ADGRL3: variants seen among roughly 807,000 people sequenced by gnomAD.
ADGRL3 encodes the protein adhesion G protein-coupled receptor L3, also known as calcium-independent alpha-latrotoxin receptor 3.
ADGRL3 carries 62 observed loss-of-function variants against 153.5 expected under a neutral mutation model. That is an observed-to-expected ratio of 0.40 (90% CI 0.33 to 0.50). The LOEUF is 0.50. Ranked by LOEUF, ADGRL3 falls within the 20% of genes least tolerant of loss-of-function variation. The probability of loss-of-function intolerance (pLI) is 0.47; values close to 1 mark genes in which losing one functional copy is unlikely to be tolerated. For missense variants in ADGRL3, 1,641 were observed against 1,859.4 expected (o/e 0.88, Z 2.16); for synonymous variants, 710 against 672.5 (o/e 1.06, Z -0.86).
intron 2 of ADGRL3, among the ~76,000 whole-genome samples, chr4:61,396,062 G>A (rs575564374): frequency 5.3e-5 from 8 of 152,014 alleles, no homozygotes; most frequent in South Asian, 2.1e-4. Flanking sequence ...TTCAAATTGC[G>A]TTTACTATAG....
At chr4:61,800,864 A>G (rs751607684) in intron 8 of ADGRL3, among the ~76,000 whole-genome samples, 1 of 152,180 alleles carries the variant, frequency 6.6e-6, no homozygotes, top group Non-Finnish European at 1.5e-5. Flanking sequence ...TTCTAGAATT[A>G]CAATTTAATT....
At chr4:61,509,999 T>C (rs556245911) in intron 3 of ADGRL3, among the ~76,000 whole-genome samples, 1 of 152,346 alleles carries the variant, frequency 6.6e-6, no homozygotes, top group East Asian at 1.9e-4. Flanking sequence ...GGTTTTGATT[T>C]GCATTTCTCT....
intron 21 of ADGRL3, among the ~76,000 whole-genome samples, chr4:62,007,509 C>T (rs2099166061): frequency 6.9e-6 from 1 of 145,428 alleles, no homozygotes; most frequent in African/African-American, 2.6e-5. Flanking sequence ...CTAACCTCCT[C>T]TGGTGATAGA....
intron 21 of ADGRL3, among the ~76,000 whole-genome samples, chr4:62,012,427 T>C (rs1161789082): frequency 6.6e-6 from 1 of 152,180 alleles, no homozygotes; most frequent in East Asian, 1.9e-4. Context: ...GTTCTTTACA[T>C]GTGGTAATTT....
chr4:61,227,025 A>G (rs1029107472), intron 1 of ADGRL3, among the ~76,000 whole-genome samples: 5 of 6,166 alleles, frequency 8.1e-4, no homozygotes, highest in African/African-American at 2.4e-3. Context: ...AGTAAGCTTT[A>G]TATCTAAATG....
chr4:61,934,715 TG>T, intron 13 of ADGRL3, 124 bp from the exon 14 acceptor site: 1 of 633,980 alleles, frequency 1.6e-6, no homozygotes, highest in Non-Finnish European at 2.8e-6. Context: ...CAGGGGAGGC[TG>T]GGACAATACT....
chr4:61,398,290 GA>G (rs947602875), intron 2 of ADGRL3, among the ~76,000 whole-genome samples: 5 of 149,984 alleles, frequency 3.3e-5, no homozygotes, highest in Non-Finnish European at 6.0e-5. Context: ...TGGGTGAATT[GA>G]AAAAAAAATC....
intron 4 of ADGRL3, among the ~76,000 whole-genome samples, chr4:61,547,973 A>G (rs1174889888): frequency 1.3e-5 from 2 of 151,760 alleles, no homozygotes; most frequent in Non-Finnish European, 2.9e-5. Flanking sequence ...GGTGGTTTTG[A>G]TTTGCATTTC....
chr4:61,506,010 C>G (rs878932283), intron 3 of ADGRL3, among the ~76,000 whole-genome samples: 2 of 151,994 alleles, frequency 1.3e-5, no homozygotes, highest in Admixed American at 1.3e-4. Flanking sequence ...TTTACAGTAT[C>G]ATCTAATCTA....
At chr4:61,760,460 G>A (rs1052836940) in intron 8 of ADGRL3, among the ~76,000 whole-genome samples, 2 of 152,214 alleles carry the variant, frequency 1.3e-5, no homozygotes, top group African/African-American at 2.4e-5. Context: ...TCTGAGCCAG[G>A]CACGGGATAT....
chr4:61,963,401 C>T (rs1024893370), intron 17 of ADGRL3, among the ~76,000 whole-genome samples: 1 of 151,836 alleles, frequency 6.6e-6, no homozygotes, highest in African/African-American at 2.4e-5. Context: ...GTTATTCAGT[C>T]CTCACCCCCT....
At chr4:61,887,816 G>C (rs2098548275) in intron 9 of ADGRL3, among the ~76,000 whole-genome samples, 1 of 152,046 alleles carries the variant, frequency 6.6e-6, no homozygotes, top group Admixed American at 6.6e-5. Flanking sequence ...CTGCACTCCA[G>C]CTTGGCAACA....
chr4:61,398,679 G>T (rs113172557), intron 2 of ADGRL3, among the ~76,000 whole-genome samples: 14 of 150,730 alleles, frequency 9.3e-5, no homozygotes, highest in Non-Finnish European at 1.8e-4. Flanking sequence ...GGAACCTCTG[G>T]TTTACAATGT....
intron 8 of ADGRL3, among the ~76,000 whole-genome samples, chr4:61,738,657 T>TAACA (rs151230096): frequency 0.012 from 1,762 of 152,310 alleles, 41 homozygotes; most frequent in African/African-American, 0.039. Flanking sequence ...TTACTTTTCC[T>TAACA]AACACTCATC....
intron 5 of ADGRL3, among the ~76,000 whole-genome samples, chr4:61,669,644 A>T (rs950648708): frequency 2.0e-5 from 3 of 152,152 alleles, no homozygotes; most frequent in Non-Finnish European, 4.4e-5. Flanking sequence ...ATCATCTGTT[A>T]GATGCTATGA....
At chr4:61,888,658 TAAATG>T (rs2098552926) in intron 9 of ADGRL3, among the ~76,000 whole-genome samples, 1 of 152,174 alleles carries the variant, frequency 6.6e-6, no homozygotes, top group Non-Finnish European at 1.5e-5. Flanking sequence ...TGCTTAAAGT[TAAATG>T]GAATGGTATG....
intron 5 of ADGRL3, among the ~76,000 whole-genome samples, chr4:61,622,009 C>A (rs1370139366): frequency 6.6e-6 from 1 of 152,102 alleles, no homozygotes; most frequent in Non-Finnish European, 1.5e-5. Context: ...CAAGAGCCTG[C>A]CTGCATGTCG....
At chr4:61,388,175 A>G (rs2096761453) in intron 2 of ADGRL3, among the ~76,000 whole-genome samples, 1 of 152,146 alleles carries the variant, frequency 6.6e-6, no homozygotes, top group South Asian at 2.1e-4. Flanking sequence ...TTTTGAAGAC[A>G]GAGTCAATAG....
chr4:61,250,499 C>T (rs1341237630), intron 1 of ADGRL3, among the ~76,000 whole-genome samples: 1 of 152,150 alleles, frequency 6.6e-6, no homozygotes, highest in Non-Finnish European at 1.5e-5. Flanking sequence ...ATCTGATGGC[C>T]TTGAAGGAGC....
Sources: gnomAD v4.1 joint callset for allele counts (sites outside exome capture counted in the v4.1 genomes callset) on GRCh38, gnomAD v4.1.1 for gene constraint, MANE v1.5 for transcripts, NCBI Gene and HGNC (gene_info 2026-07-23, HGNC 2026-07-21) for gene names.